Variants in URB1 observed in about 807,000 individuals in gnomAD.
The protein encoded by URB1 is URB1 ribosome biogenesis factor.
In URB1, 197 loss-of-function variants were observed where a neutral mutation model predicts 242.3. That is an observed-to-expected ratio of 0.81 (90% CI 0.72 to 0.91). URB1 has a LOEUF of 0.91. Ranked by LOEUF, URB1 falls within the 40% of genes least tolerant of loss-of-function variation. URB1 has a pLI of 0.00. For missense variants in URB1, 2,721 were observed against 2,860.5 expected (o/e 0.95, Z 1.11); for synonymous variants, 1,153 against 1,201.8 (o/e 0.96, Z 0.84).
intron 4 of URB1, among the ~76,000 whole-genome samples, chr21:32,381,629 A>G (rs989528447): frequency 1.4e-4 from 21 of 152,240 alleles, no homozygotes; most frequent in African/African-American, 5.1e-4. Context: ...TGAGACGGAA[A>G]AAACCTGAGA....
chr21:32,316,221 G>A (rs1324673222), intron 38 of URB1, among the ~76,000 whole-genome samples: 3 of 152,180 alleles, frequency 2.0e-5, no homozygotes, highest in Non-Finnish European at 2.9e-5. Context: ...TCTCTGCACC[G>A]TCAACATAAC....
chr21:32,314,501 C>A lies in URB1; in HGVS notation c.*417G>T. ...CACCTGCTGAAAAATAAACTTTAAA[C>A]ATCTCTCTTCGTTTTCATAAAAAAA... On this transcript the variant is annotated 3_prime_UTR_variant, in exon 39 of 39. Transcript: ENST00000382751. 1 of 1,543,462 alleles carries A rather than the reference C, an allele frequency of 6.5e-7. No individual in the cohort carries two copies. Among genetic ancestry groups the A allele is most frequent in the Non-Finnish European group, 9.0e-7 (1 of 1,115,894 alleles).
In URB1 at chr21:32,337,473, G is replaced by C; in HGVS notation, c.4552C>G (p.Pro1518Ala). 1 of 1,551,122 alleles carries C rather than the reference G, an allele frequency of 6.4e-7. No individual in the cohort carries two copies. The highest frequency in any genetic ancestry group is 8.7e-7 in the Non-Finnish European group (1 of 1,146,702). Residue 1518 changes from proline to alanine, a missense_variant, in exon 27 of 39, where the codon CCC becomes GCC. Pro to Ala is a conservative substitution (Grantham distance 27). Transcript: ENST00000382751. ...AAGTGGCTGCTCTCACAGACAGAGG[G>C]GCACATCTCCACCACCGTCAGCATC... Reference protein sequence around the residue: ...DLMLTVVEMCPSVCESSHFAV... With the variant: ...DLMLTVVEMCASVCESSHFAV...
chr21:32,328,375 T>C lies in URB1; in HGVS notation c.4961-2986A>G, dbSNP rs969065808. 9.9e-5 allele frequency among the ~76,000 whole-genome samples: 15 copies of C among 152,200 alleles called. No homozygotes were observed. The East Asian group carries it at 1.9e-3, about 20-fold the overall frequency. ...CTGGTTTCAAACTCCTGGCCTCAAGTGATCAGCTCGCCTTGGCCTCCCAAA... is the reference window on the plus strand; with the variant it reads ...CTGGTTTCAAACTCCTGGCCTCAAGCGATCAGCTCGCCTTGGCCTCCCAAA... On this transcript the variant is annotated intron_variant, in intron 30 of 38. Transcript: ENST00000382751.
At chr21:32,345,620 G>A (rs1443229805) in intron 22 of URB1, 45 bp from the exon 23 acceptor site, 10 of 1,488,008 alleles carry the variant, frequency 6.7e-6, no homozygotes, top group Non-Finnish European at 8.1e-6. Context: ...CCAATGGTGG[G>A]CTGCAGCCAG....
chr21:32,341,652 A>T, intron 24 of URB1, 128 bp from the exon 25 acceptor site: 2 of 789,802 alleles, frequency 2.5e-6, no homozygotes, highest in Non-Finnish European at 4.0e-6. Flanking sequence ...TGTAAAACCC[A>T]TGATCAAAGG....
In URB1 at chr21:32,363,239, T is replaced by C. The variant is rs1359883820; in HGVS notation, c.1426A>G (p.Lys476Glu). ...ALKTVDHCLNKEVWQESGVYT... is the reference protein window; with the variant it reads ...ALKTVDHCLNEEVWQESGVYT... ...ACGCCTGATTCCTGCCACACCTCTTTATTCAGGCAGTGGTCAACAGTTTTT... is the reference window on the plus strand; with the variant it reads ...ACGCCTGATTCCTGCCACACCTCTTCATTCAGGCAGTGGTCAACAGTTTTT... Residue 476 changes from lysine to glutamate, a missense_variant, in exon 11 of 39, where the codon AAA (lysine) becomes GAA (glutamate). Lys to Glu is a moderately conservative substitution (Grantham distance 56). Transcript: ENST00000382751. 4 of 1,552,016 alleles carry C rather than the reference T, an allele frequency of 2.6e-6. No individual in the cohort carries two copies. The highest frequency in any genetic ancestry group is 2.4e-5 in the East Asian group (1 of 40,936).
Position 32,345,698 on chromosome 21 carries a change from G to A in URB1, c.3869-123C>T, listed in dbSNP as rs925423060. On this transcript the variant is annotated intron_variant, in intron 22 of 38. Coordinates refer to ENST00000382751, the MANE Select transcript of URB1 (RefSeq NM_014825.3). ...CCTGTGACCCTGGTGATGCCACACC[G>A]GTGGCCTGAAATTGGTCACGGCAGG... 87 of 1,045,140 alleles carry A rather than the reference G, an allele frequency of 8.3e-5. 1 individual carries two copies. The African/African-American group carries it at 9.6e-4, about 11-fold the overall frequency. 64.7% of individuals were successfully genotyped at this position (1,045,140 alleles called of 1,614,324 possible). A position where few individuals can be genotyped will look rare whatever the true frequency, so the allele number is the denominator to read the frequency against.
At chr21:32,349,243 T>C in intron 21 of URB1, 61 bp downstream of exon 21, 1 of 1,444,946 alleles carries the variant, frequency 6.9e-7, no homozygotes, top group South Asian at 1.5e-5. Flanking sequence ...TAATCAGAAG[T>C]GAAGAGAAAG....
intron 11 of URB1, among the ~76,000 whole-genome samples, chr21:32,362,261 A>C (rs952264394): frequency 5.9e-5 from 9 of 151,624 alleles, no homozygotes; most frequent in Non-Finnish European, 1.0e-4. Context: ...GCTGGAGTGC[A>C]GTGGGGTGAC....
At chr21:32,317,163 C>T (rs2032701868) in intron 37 of URB1, 98 bp from the exon 38 acceptor site, 1 of 1,429,288 alleles carries the variant, frequency 7.0e-7, no homozygotes. Flanking sequence ...CGAGGGGCGG[C>T]TTGCATGTCC....
chr21:32,331,198 C>T, intron 30 of URB1, among the ~76,000 whole-genome samples: 1 of 152,158 alleles, frequency 6.6e-6, no homozygotes, highest in East Asian at 1.9e-4. Context: ...GCACACCCCA[C>T]TGGAATCTCA....
chr21:32,374,097 G>A (rs1015248756), intron 6 of URB1, among the ~76,000 whole-genome samples: 5 of 152,156 alleles, frequency 3.3e-5, no homozygotes, highest in Non-Finnish European at 5.9e-5. Flanking sequence ...CCTTTTCCAC[G>A]TCATTAAACA....
chr21:32,311,405 T>TCCCCCCCCCCCCCC lies in URB1; in HGVS notation c.*3512_*3513insGGGGGGGGGGGGGG. The TCCCCCCCCCCCCCC allele has an allele frequency of 1.7e-5, 5 of 291,704 alleles. No homozygotes were observed. Among genetic ancestry groups the TCCCCCCCCCCCCCC allele is most frequent in the Non-Finnish European group, 2.6e-5 (4 of 153,196 alleles). The allele number at this position is 291,704 out of a possible 1,614,324, so 18.1% of individuals were successfully genotyped here. A position where few individuals can be genotyped will look rare whatever the true frequency, so the allele number is the denominator to read the frequency against. ...TGGATGGGAGGTCAACCTGCTCCCC[T>TCCCCCCCCCCCCCC]CCACCCCCCACCCCCCCCATCCTAA... On this transcript the variant is annotated 3_prime_UTR_variant, in exon 39 of 39. Coordinates refer to ENST00000382751, the MANE Select transcript of URB1 (RefSeq NM_014825.3).
At chr21:32,381,109 G>A (rs971865975) in intron 4 of URB1, among the ~76,000 whole-genome samples, 4 of 152,186 alleles carry the variant, frequency 2.6e-5, no homozygotes, top group Non-Finnish European at 5.9e-5. Context: ...CACTGTCGTG[G>A]CCCCCTGGGG....
At chr21:32,345,270 G>T in intron 23 of URB1, 104 bp downstream of exon 23, 6 of 1,242,814 alleles carry the variant, frequency 4.8e-6, no homozygotes, top group South Asian at 4.5e-5. Flanking sequence ...ATCACAGATG[G>T]GGCACAACAG....
intron 7 of URB1, 55 bp downstream of exon 7, chr21:32,373,592 C>T: frequency 6.6e-7 from 1 of 1,506,250 alleles, no homozygotes; most frequent in Non-Finnish European, 8.9e-7. Flanking sequence ...CCTCTCCCAA[C>T]CCTGAGGATC....
In URB1 at chr21:32,315,060, A is replaced by G; in HGVS notation, c.6674T>C (p.Ile2225Thr). The G allele has an allele frequency of 6.5e-7, 1 of 1,546,606 alleles. No individual in the cohort carries two copies. Among genetic ancestry groups the G allele is most frequent in the Non-Finnish European group, 8.7e-7 (1 of 1,143,408 alleles). The stretch of plus-strand genomic sequence containing the variant: ...GTCCGGCCGCTGAGCCCCCAGCCAG[A>G]TGTCCTTTATGTAGAGAGACACTAG... ...AFLVSLYIKD[I>T]WLGAQRPDTL... Residue 2225 changes from isoleucine (I) to threonine (T), a missense_variant, in exon 39 of 39, where the codon ATC (isoleucine) becomes ACC (threonine). By Grantham distance (89) the Ile-to-Thr change is moderately conservative. Coordinates refer to ENST00000382751, the MANE Select transcript of URB1 (RefSeq NM_014825.3).
chr21:32,367,317 A>G (rs80323854), intron 9 of URB1, among the ~76,000 whole-genome samples: 4,926 of 152,084 alleles, frequency 0.032, 262 homozygotes, highest in African/African-American at 0.11. Flanking sequence ...CCCCTATCCT[A>G]CAAATCAGAT....
Sources: allele counts gnomAD v4.1 joint callset (sites outside exome capture counted in the v4.1 genomes callset), GRCh38; gene constraint gnomAD v4.1.1; transcripts MANE v1.5; gene names NCBI Gene and HGNC (gene_info 2026-07-23, HGNC 2026-07-21).